KCNH1: variants seen among roughly 807,000 people sequenced by gnomAD.
KCNH1 encodes the protein potassium voltage-gated channel subfamily H member 1, also known as voltage-gated delayed rectifier potassium channel KCNH1.
A neutral mutation model predicts 69.2 loss-of-function variants in KCNH1; 27 were observed. That is an observed-to-expected ratio of 0.39 (90% confidence interval 0.29 to 0.54). The LOEUF is 0.54. Ranked by LOEUF, KCNH1 falls within the 20% of genes least tolerant of loss-of-function variation. KCNH1 has a pLI of 0.68. For missense variants in KCNH1, 798 were observed against 1,261.6 expected, an observed-to-expected ratio of 0.63 and a Z score of 5.57; for synonymous variants, 456 against 487.7, an observed-to-expected ratio of 0.93 and a Z score of 0.86.
At chr1:211,045,870 A>C (rs1011014700) in intron 5 of KCNH1, among the ~76,000 whole-genome samples, 2 of 152,134 alleles carry the variant, frequency 1.3e-5, no homozygotes, top group African/African-American at 2.4e-5. Context: ...GGAAATCACT[A>C]TTCTAGTCTC....
chr1:210,833,812 T>C (rs1393421241), intron 7 of KCNH1, among the ~76,000 whole-genome samples: 3 of 152,124 alleles, frequency 2.0e-5, no homozygotes, highest in Admixed American at 1.3e-4. Context: ...ATCCAGAATC[T>C]ACAATGAACT....
At chr1:210,725,065 A>G (rs1444233420) in intron 10 of KCNH1, among the ~76,000 whole-genome samples, 1 of 152,210 alleles carries the variant, frequency 6.6e-6, no homozygotes, top group Non-Finnish European at 1.5e-5. Flanking sequence ...TTGGCTAATC[A>G]GAACCATCAG....
intron 7 of KCNH1, among the ~76,000 whole-genome samples, chr1:210,873,270 G>A (rs551954522): frequency 1.3e-5 from 2 of 152,186 alleles, no homozygotes; most frequent in Non-Finnish European, 2.9e-5. Context: ...ATATTGGAAG[G>A]TGTATCATGA....
At chr1:210,905,072 C>T (rs994779664) in intron 7 of KCNH1, among the ~76,000 whole-genome samples, 6 of 152,258 alleles carry the variant, frequency 3.9e-5, no homozygotes, top group Non-Finnish European at 8.8e-5. Flanking sequence ...AGTAGCAGCA[C>T]GAGAGGAAGA....
chr1:210,806,836 A>AAAAAAAATATATATATAT (rs1553346591), intron 7 of KCNH1, among the ~76,000 whole-genome samples: 1 of 85,688 alleles, frequency 1.2e-5, no homozygotes, highest in Non-Finnish European at 2.2e-5. Context: ...AAAAAAAAAA[A>AAAAAAAATATATATATAT]ATATATATAT....
At chr1:210,892,497 C>G (rs1166749998) in intron 7 of KCNH1, among the ~76,000 whole-genome samples, 1 of 152,154 alleles carries the variant, frequency 6.6e-6, no homozygotes, top group East Asian at 1.9e-4. Context: ...ACAGCTCCCC[C>G]ACACATGCCT....
chr1:210,959,957 T>G (rs1418099637), intron 6 of KCNH1, among the ~76,000 whole-genome samples: 2 of 152,168 alleles, frequency 1.3e-5, no homozygotes, highest in Non-Finnish European at 2.9e-5. Context: ...GGTACCTCAG[T>G]TGGAAATGCA....
rs746962455 is a variant in KCNH1 at position 210,959,398 on chromosome 1, C to T, written c.1033-39329G>A. ...CAGGGACCCACTTGAGGAGGCAGGCCGTCCGTTCTCAGAGCTCAAACGCCA... is the reference window on the plus strand; with the variant it reads ...CAGGGACCCACTTGAGGAGGCAGGCTGTCCGTTCTCAGAGCTCAAACGCCA... On this transcript the variant is annotated intron_variant, in intron 6 of 10. Transcript: ENST00000271751. Among the ~76,000 whole-genome samples, 75 of 152,104 alleles carry T rather than the reference C, an allele frequency of 4.9e-4. 2 individuals are homozygous for T. The highest frequency in any genetic ancestry group is 6.3e-4 in the Non-Finnish European group (43 of 68,014).
intron 7 of KCNH1, among the ~76,000 whole-genome samples, chr1:210,864,448 C>T (rs766300410): frequency 3.9e-5 from 6 of 152,054 alleles, no homozygotes; most frequent in Admixed American, 6.5e-5. Context: ...AGTGGGGAAG[C>T]GAGAAAACAA....
chr1:210,874,121 C>G (rs1686313642), intron 7 of KCNH1, among the ~76,000 whole-genome samples: 1 of 151,246 alleles, frequency 6.6e-6, no homozygotes, highest in Non-Finnish European at 1.5e-5. Flanking sequence ...TAAAAGGAGT[C>G]AAAGAAAAAA....
intron 7 of KCNH1, among the ~76,000 whole-genome samples, chr1:210,883,239 C>T (rs1686534383): frequency 6.6e-6 from 1 of 152,178 alleles, no homozygotes; most frequent in Non-Finnish European, 1.5e-5. Context: ...CAAATGTGTG[C>T]TAATGAAGGC....
At chr1:210,764,738 G>A (rs984298338) in intron 10 of KCNH1, among the ~76,000 whole-genome samples, 3 of 152,150 alleles carry the variant, frequency 2.0e-5, no homozygotes, top group African/African-American at 7.2e-5. Context: ...GGAAGAAAAG[G>A]GAATGCTTAC....
intron 5 of KCNH1, among the ~76,000 whole-genome samples, chr1:211,073,493 A>C (rs1690682096): frequency 6.6e-6 from 1 of 152,192 alleles, no homozygotes; most frequent in South Asian, 2.1e-4. Flanking sequence ...CACCTTAACA[A>C]ACAAATAGAA....
At chr1:211,120,708 T>A (rs1691669714) in intron 1 of KCNH1, among the ~76,000 whole-genome samples, 1 of 152,116 alleles carries the variant, frequency 6.6e-6, no homozygotes, top group African/African-American at 2.4e-5. Context: ...TGGCTTTACA[T>A]TTGTCTACTG....
chr1:211,064,422 G>A (rs760791703), intron 5 of KCNH1, among the ~76,000 whole-genome samples: 9 of 152,076 alleles, frequency 5.9e-5, no homozygotes, highest in African/African-American at 1.2e-4. Flanking sequence ...ATTGCCCGGC[G>A]TGGTGGTGGG....
At chr1:210,907,205 T>C (rs576761682) in intron 7 of KCNH1, among the ~76,000 whole-genome samples, 231 of 152,176 alleles carry the variant, frequency 1.5e-3, no homozygotes, top group Non-Finnish European at 2.7e-3. Flanking sequence ...CGGTGGTAAA[T>C]GGGAACTCAG....
chr1:210,860,218 T>A, intron 7 of KCNH1: 1 of 1,444,710 alleles, frequency 6.9e-7, no homozygotes, highest in South Asian at 1.1e-5. Flanking sequence ...ATCTGTAAAG[T>A]AATCAAAGCC....
At chr1:210,776,356 C>A (rs1475935979) in intron 9 of KCNH1, among the ~76,000 whole-genome samples, 1 of 152,136 alleles carries the variant, frequency 6.6e-6, no homozygotes, top group Non-Finnish European at 1.5e-5. Context: ...CCCTAGCATT[C>A]CACAAGAATA....
intron 10 of KCNH1, among the ~76,000 whole-genome samples, chr1:210,747,946 G>T (rs1157477166): frequency 6.6e-6 from 1 of 152,250 alleles, no homozygotes; most frequent in Non-Finnish European, 1.5e-5. Flanking sequence ...GGGAACAAAT[G>T]AGTAGAGCAG....
Sources: gnomAD v4.1 joint callset for allele counts (sites outside exome capture counted in the v4.1 genomes callset) on GRCh38, gnomAD v4.1.1 for gene constraint, MANE v1.5 for transcripts, NCBI Gene and HGNC (gene_info 2026-07-23, HGNC 2026-07-21) for gene names.